DAB1: variants seen among roughly 807,000 people sequenced by gnomAD.
DAB1 encodes the protein DAB adaptor protein 1.
Under a neutral mutation model 64.6 loss-of-function variants are expected in DAB1, and 15 were observed. The observed-to-expected ratio is 0.23, with a 90% CI of 0.16 to 0.36. The LOEUF is 0.36. Among genes scored for constraint, DAB1 ranks in the 10% least tolerant of loss-of-function variants. DAB1 has a pLI of 1.00. For missense variants in DAB1, 596 were observed against 706.7 expected (o/e 0.84, Z 1.78); for synonymous variants, 235 against 251.9 (o/e 0.93, Z 0.64).
intron 3 of DAB1, among the ~76,000 whole-genome samples, chr1:57,142,650 G>A (rs879528195): frequency 3.8e-5 from 5 of 132,948 alleles, no homozygotes; most frequent in Non-Finnish European, 4.8e-5. Context: ...ACACACACAC[G>A]GTTGGCAGCC....
chr1:58,124,654 C>G lies in DAB1; in HGVS notation n.387+25857G>C, dbSNP rs146228955. On this transcript the variant is annotated intron_variant and non_coding_transcript_variant, in intron 5 of 20. Coordinates refer to the DAB1 transcript ENST00000485760. ...TCTTAGAGTCTCCTCATATTTTATA[C>G]AAGGAAAGAGTCTAGCATAGCAGTT... Among the ~76,000 whole-genome samples the G allele has an allele frequency of 3.3e-3, 501 of 152,310 alleles. 3 individuals carry two copies. Among genetic ancestry groups the G allele is most frequent in the African/African-American group, 0.012 (484 of 41,570 alleles).
chr1:57,424,214 G>A (rs1341360578), upstream of DAB1, among the ~76,000 whole-genome samples: 4 of 148,766 alleles, frequency 2.7e-5, no homozygotes, highest in Non-Finnish European at 4.5e-5. Context: ...CCCGGCCGCC[G>A]CCGCCGGGCC....
intron 4 of DAB1, among the ~76,000 whole-genome samples, chr1:58,233,127 T>C (rs1328065002): frequency 6.6e-6 from 1 of 152,208 alleles, no homozygotes; most frequent in East Asian, 1.9e-4. Context: ...TGCTCTTTAA[T>C]GTGAAGCAGA....
chr1:57,094,903 A>C (rs1008281828), intron 4 of DAB1, among the ~76,000 whole-genome samples: 6 of 152,046 alleles, frequency 3.9e-5, no homozygotes, highest in African/African-American at 1.4e-4. Flanking sequence ...CTACCTCTGT[A>C]CCATAGAAAA....
chr1:57,815,801 G>A (rs776756571), intron 6 of DAB1, among the ~76,000 whole-genome samples: 17 of 151,992 alleles, frequency 1.1e-4, no homozygotes, highest in Admixed American at 3.9e-4. Context: ...CTGGGTAAAC[G>A]GTAATATGTA....
intron 6 of DAB1, among the ~76,000 whole-genome samples, chr1:57,660,251 T>C (rs1389534509): frequency 6.6e-6 from 1 of 152,150 alleles, no homozygotes; most frequent in East Asian, 1.9e-4. Flanking sequence ...AAGGACTTTC[T>C]TGTATTAACC....
intron 2 of DAB1, among the ~76,000 whole-genome samples, chr1:58,524,227 T>G (rs970420631): frequency 4.6e-5 from 7 of 152,216 alleles, no homozygotes; most frequent in Non-Finnish European, 1.0e-4. Context: ...CACTTTCATC[T>G]GCATTAAAAA....
intron 4 of DAB1, among the ~76,000 whole-genome samples, chr1:58,156,358 T>G (rs563539747): frequency 2.6e-5 from 4 of 152,202 alleles, no homozygotes; most frequent in Non-Finnish European, 5.9e-5. Flanking sequence ...CATTGCTGTG[T>G]ATCTTAGCGC....
At chr1:58,073,250 T>C (rs1649386488) in intron 5 of DAB1, among the ~76,000 whole-genome samples, 1 of 152,186 alleles carries the variant, frequency 6.6e-6, no homozygotes, top group Non-Finnish European at 1.5e-5. Context: ...TACTGTGTTG[T>C]CTGTCTGGAA....
chr1:57,660,102 T>G (rs1228343768), intron 6 of DAB1, among the ~76,000 whole-genome samples: 1 of 151,994 alleles, frequency 6.6e-6, no homozygotes, highest in Non-Finnish European at 1.5e-5. Context: ...TGAGAATGCA[T>G]TACAATATTC....
intron 3 of DAB1, among the ~76,000 whole-genome samples, chr1:58,418,717 C>A (rs1644744697): frequency 6.6e-6 from 1 of 151,972 alleles, no homozygotes; most frequent in Non-Finnish European, 1.5e-5. Flanking sequence ...GGAGTTTATT[C>A]TAGGCAGAGG....
chr1:57,460,290 A>G (rs1047149992), intron 7 of DAB1, among the ~76,000 whole-genome samples: 1 of 152,190 alleles, frequency 6.6e-6, no homozygotes, highest in Non-Finnish European at 1.5e-5. Flanking sequence ...GAAATATAAT[A>G]TGGTAAAACC....
At chr1:57,093,882 G>A (rs1466810139) in intron 4 of DAB1, among the ~76,000 whole-genome samples, 1 of 152,098 alleles carries the variant, frequency 6.6e-6, no homozygotes, top group South Asian at 2.1e-4. Context: ...GGGAGGCCGA[G>A]GTGGGCCAAT....
chr1:57,828,016 G>T (rs1447036188), intron 1 of DAB1, among the ~76,000 whole-genome samples: 3 of 152,140 alleles, frequency 2.0e-5, no homozygotes, highest in Non-Finnish European at 4.4e-5. Context: ...TGCGATCTCG[G>T]CTCACTGCAA....
intron 4 of DAB1, among the ~76,000 whole-genome samples, chr1:58,199,349 A>C (rs906958705): frequency 6.6e-5 from 10 of 152,202 alleles, no homozygotes; most frequent in Non-Finnish European, 1.0e-4. Flanking sequence ...GCTCTAGTTT[A>C]TATATTCCTC....
At chr1:58,002,527 T>C (rs886804879) in intron 5 of DAB1, among the ~76,000 whole-genome samples, 39 of 152,224 alleles carry the variant, frequency 2.6e-4, no homozygotes, top group Admixed American at 2.6e-3. Flanking sequence ...AAAATACAGG[T>C]TCTGGCTTAT....
At chr1:57,088,260 G>A (rs1382178796) in intron 4 of DAB1, among the ~76,000 whole-genome samples, 2 of 152,126 alleles carry the variant, frequency 1.3e-5, no homozygotes, top group South Asian at 2.1e-4. Context: ...TAGTAGAGAC[G>A]GGGTTTCACC....
rs34105483 is a variant in DAB1, at chr1:57,641,379, GTT to G, written n.625+8211_625+8212del. On this transcript the variant is annotated intron_variant and non_coding_transcript_variant, in intron 7 of 20. Coordinates refer to the DAB1 transcript ENST00000485760. The stretch of plus-strand genomic sequence containing the variant: ...GCCCAGTTCCCTCTTTTTTTTGTTG[GTT>G]TTTTTTTTTTTTTTTTTTTTGAGAC... 4.4e-3 allele frequency among the ~76,000 whole-genome samples: 488 copies of G among 109,950 alleles called. 1 individual carries two copies. The highest frequency in any genetic ancestry group is 6.2e-3 in the Non-Finnish European group (353 of 57,280). The allele number at this position is 109,950 out of a possible 152,430, so 72.1% of individuals were successfully genotyped here. A position where few individuals can be genotyped will look rare whatever the true frequency, so the allele number is the denominator to read the frequency against.
chr1:57,996,087 C>T (rs1749775), intron 5 of DAB1, among the ~76,000 whole-genome samples: 60,330 of 151,658 alleles, frequency 0.4, 12,288 homozygotes, highest in East Asian at 0.63. Context: ...GGTGAAACCC[C>T]GTCTCTACTA....
Sources: allele counts gnomAD v4.1 joint callset (sites outside exome capture counted in the v4.1 genomes callset), GRCh38; gene constraint gnomAD v4.1.1; transcripts MANE v1.5; gene names NCBI Gene and HGNC (gene_info 2026-07-23, HGNC 2026-07-21).